Variants in UTRN observed in about 807,000 individuals in gnomAD.
UTRN encodes utrophin, also known as dystrophin-related protein 1.
A neutral mutation model predicts 463.9 loss-of-function variants in UTRN; 283 were observed. That is an observed-to-expected ratio of 0.61 (90% CI 0.55 to 0.67). The LOEUF is 0.67. Among genes scored for constraint, UTRN ranks in the 30% least tolerant of loss-of-function variants. UTRN has a pLI of 0.00. For synonymous variants in UTRN, 1,442 were observed against 1,431.5 expected, an observed-to-expected ratio of 1.01 and a Z score of -0.17; for missense variants, 3,922 against 4,084.3, an observed-to-expected ratio of 0.96 and a Z score of 1.08.
chr6:144,651,349 A>C (rs188152902), intron 51 of UTRN, among the ~76,000 whole-genome samples: 2 of 152,296 alleles, frequency 1.3e-5, no homozygotes, highest in Admixed American at 1.3e-4. Flanking sequence ...AGTACTAGTG[A>C]ATGTCTTTCT....
At chr6:144,788,257 C>G (rs560161456) in intron 61 of UTRN, among the ~76,000 whole-genome samples, 1 of 152,180 alleles carries the variant, frequency 6.6e-6, no homozygotes, top group South Asian at 2.1e-4. Context: ...AGATCACTGA[C>G]TATTAAAATT....
intron 24 of UTRN, among the ~76,000 whole-genome samples, 192 bp downstream of exon 24, chr6:144,474,025 A>T (rs1790935187): frequency 2.0e-5 from 3 of 151,896 alleles, no homozygotes; most frequent in Admixed American, 1.3e-4. Flanking sequence ...TTATTTCTGG[A>T]CGTGGTTATA....
intron 65 of UTRN, among the ~76,000 whole-genome samples, chr6:144,820,213 C>G (rs1312196021): frequency 6.6e-6 from 1 of 152,008 alleles, no homozygotes; most frequent in Non-Finnish European, 1.5e-5. Flanking sequence ...AAATGATTAT[C>G]AAACTAATCA....
chr6:144,742,475 GAAAGAGAGAGAGAAATAGGAGGGGGGT>G (rs1404795126), intron 54 of UTRN, among the ~76,000 whole-genome samples: 1 of 152,076 alleles, frequency 6.6e-6, no homozygotes, highest in African/African-American at 2.4e-5. Context: ...TGGTCATGAG[GAAAGAGAGAGAGAAATAGGAGGGGGGT>G]AAAGAGAGAG....
intron 54 of UTRN, among the ~76,000 whole-genome samples, chr6:144,732,643 TTCATTTTATG>T (rs1209872264): frequency 6.7e-6 from 1 of 149,568 alleles, no homozygotes; most frequent in Non-Finnish European, 1.5e-5. Flanking sequence ...CATTTATTGT[TTCATTTTATG>T]TCATGTTATG....
intron 9 of UTRN, among the ~76,000 whole-genome samples, chr6:144,430,353 T>C (rs1176219941): frequency 6.6e-6 from 1 of 152,178 alleles, no homozygotes; most frequent in Non-Finnish European, 1.5e-5. Flanking sequence ...TTTGAATCAA[T>C]CCATATTTAA....
chr6:144,562,779 A>C (rs1294168408), intron 50 of UTRN, among the ~76,000 whole-genome samples: 1 of 152,152 alleles, frequency 6.6e-6, no homozygotes, highest in East Asian at 1.9e-4. Context: ...GGAATGCCAC[A>C]CTGTCTTCCA....
chr6:144,619,958 A>C (rs1384489412), intron 51 of UTRN, among the ~76,000 whole-genome samples: 1 of 152,218 alleles, frequency 6.6e-6, no homozygotes, highest in Non-Finnish European at 1.5e-5. Context: ...CTGGAGTACC[A>C]CATCACATGT....
At chr6:144,699,727 C>T (rs1469939640) in intron 52 of UTRN, among the ~76,000 whole-genome samples, 3 of 149,896 alleles carry the variant, frequency 2.0e-5, no homozygotes, top group African/African-American at 4.9e-5. Context: ...TGAAAGCCTT[C>T]GTTTTGTATA....
Position 144,488,600 on chromosome 6 carries a change from TGGC to T in UTRN, c.3973-72_3973-70del. On this transcript the variant is annotated intron_variant, in intron 29 of 74. Coordinates refer to ENST00000367545, the MANE Select transcript of UTRN (RefSeq NM_007124.3). ...GAAAGCTTTTATGGTCTTTTCTTAG[TGGC>T]CAGAATATATATATTCTGCTATTTA... 7 of 1,410,840 alleles carry T rather than the reference TGGC, an allele frequency of 5.0e-6. No individual in the cohort carries two copies. In the South Asian group the frequency reaches 1.2e-4, roughly 24 times the overall value. 87.4% of individuals were successfully genotyped at this position (1,410,840 alleles called of 1,614,324 possible). A position where few individuals can be genotyped will look rare whatever the true frequency, so the allele number is the denominator to read the frequency against.
At chr6:144,744,526 G>A (rs1160274985) in intron 54 of UTRN, among the ~76,000 whole-genome samples, 1 of 148,302 alleles carries the variant, frequency 6.7e-6, no homozygotes, top group Non-Finnish European at 1.5e-5. Context: ...GTATATGTAC[G>A]TAATATAATT....
intron 29 of UTRN, 101 bp downstream of exon 29, chr6:144,487,798 TGTTG>T: frequency 8.1e-7 from 1 of 1,242,178 alleles, no homozygotes; most frequent in Middle Eastern, 2.4e-4. Flanking sequence ...AAATCTTTAA[TGTTG>T]GTTAAAGTTG....
chr6:144,691,147 T>G (rs746241509), intron 52 of UTRN, among the ~76,000 whole-genome samples: 2 of 152,186 alleles, frequency 1.3e-5, no homozygotes, highest in Non-Finnish European at 2.9e-5. Flanking sequence ...AACAGAGTCT[T>G]GCTCTGCTGC....
At chr6:144,384,834 C>T (rs34274491) in intron 2 of UTRN, among the ~76,000 whole-genome samples, 2,435 of 152,270 alleles carry the variant, frequency 0.016, 32 homozygotes, top group Middle Eastern at 0.037. Flanking sequence ...TTGCTTCCAT[C>T]TTTTAGCTTT....
chr6:144,298,635 G>A lies in UTRN; in HGVS notation c.79+6728G>A, dbSNP rs181777172. Among the ~76,000 whole-genome samples the A allele has an allele frequency of 3.2e-3, 489 of 152,320 alleles. 1 individual carries two copies. Among genetic ancestry groups the A allele is most frequent in the Non-Finnish European group, 4.6e-3 (314 of 68,042 alleles). On this transcript the variant is annotated intron_variant, in intron 2 of 74. Transcript: ENST00000367545. ...GCAGTGGAGCTCAACAACACATAGA[G>A]CATGAGAGTCACATTTTTTGTGTGA...
chr6:144,359,624 T>C (rs1778862304), intron 2 of UTRN, among the ~76,000 whole-genome samples: 1 of 152,222 alleles, frequency 6.6e-6, no homozygotes, highest in Non-Finnish European at 1.5e-5. Flanking sequence ...TTGTCTTCAA[T>C]TTCTGTAATT....
intron 60 of UTRN, among the ~76,000 whole-genome samples, chr6:144,774,734 A>G (rs561042617): frequency 3.3e-5 from 5 of 152,324 alleles, no homozygotes; most frequent in African/African-American, 1.2e-4. Flanking sequence ...TCTCAATACC[A>G]CTATATATAA....
intron 65 of UTRN, among the ~76,000 whole-genome samples, chr6:144,814,428 T>C (rs1254672119): frequency 6.6e-6 from 1 of 152,116 alleles, no homozygotes; most frequent in Non-Finnish European, 1.5e-5. Context: ...ACTGAATAGA[T>C]TGAGACACAT....
rs139805399 is a variant in UTRN at position 144,525,844 on chromosome 6, C to T, written c.5906+2656C>T. The stretch of plus-strand genomic sequence containing the variant: ...ATGCTATGCACATTCCTCTTAGTAC[C>T]GCTTTTGCCATATCCCAAAAGTTTT... On this transcript the variant is annotated intron_variant, in intron 41 of 74. Transcript: ENST00000367545. Among the ~76,000 whole-genome samples, 1,475 of 152,026 alleles carry T rather than the reference C, an allele frequency of 9.7e-3. 5 individuals carry two copies. The highest frequency in any genetic ancestry group is 0.016 in the Non-Finnish European group (1,119 of 67,944).
Sources: gnomAD v4.1 joint callset for allele counts (sites outside exome capture counted in the v4.1 genomes callset) on GRCh38, gnomAD v4.1.1 for gene constraint, MANE v1.5 for transcripts, NCBI Gene and HGNC (gene_info 2026-07-23, HGNC 2026-07-21) for gene names.